Variants in SEC14L5 observed in about 807,000 individuals in gnomAD.
SEC14L5 encodes SEC14-like protein 5.
In SEC14L5, 96 loss-of-function variants were observed where a neutral mutation model predicts 84.6. The observed-to-expected ratio is 1.13, with a 90% CI of 0.96 to 1.34. SEC14L5 has a LOEUF of 1.34. SEC14L5 is among the 40% of genes most tolerant of loss of function. The pLI is 0.00. For synonymous variants in SEC14L5, 546 were observed against 383.4 expected, an observed-to-expected ratio of 1.42 and a Z score of -4.95; for missense variants, 1,224 against 942.5, an observed-to-expected ratio of 1.30 and a Z score of -3.91.
chr16:4,989,936 A>T (rs2142505455), intron 4 of SEC14L5, among the ~76,000 whole-genome samples: 1 of 152,252 alleles, frequency 6.6e-6, no homozygotes, highest in African/African-American at 2.4e-5. Flanking sequence ...ACGTTTGAGG[A>T]GGACTAGGTC....
chr16:4,965,350 C>G (rs927922976), intron 2 of SEC14L5, among the ~76,000 whole-genome samples: 1 of 152,084 alleles, frequency 6.6e-6, no homozygotes. Context: ...TTTGTATGAA[C>G]ATATTCTTTC....
intron 2 of SEC14L5, among the ~76,000 whole-genome samples, chr16:4,982,908 T>A (rs1176849808): frequency 6.6e-6 from 1 of 152,180 alleles, no homozygotes; most frequent in Admixed American, 6.5e-5. Flanking sequence ...GGAAGCACAT[T>A]ACTGAATATT....
chr16:5,010,235 G>A (rs1257886270), intron 14 of SEC14L5, among the ~76,000 whole-genome samples: 1 of 148,814 alleles, frequency 6.7e-6, no homozygotes, highest in Non-Finnish European at 1.5e-5. Flanking sequence ...GTGGTGGCGG[G>A]TGCCTGTAAT....
chr16:5,003,311 C>G, intron 10 of SEC14L5, 91 bp from the exon 11 acceptor site: 2 of 986,812 alleles, frequency 2.0e-6, no homozygotes, highest in African/African-American at 1.6e-5. Context: ...CCCTATCTCT[C>G]GGAGCCTCCC....
Position 5,011,214 on chromosome 16 carries a change from C to T in SEC14L5, c.1920C>T (p.Ser640=), listed in dbSNP as rs760269987. Residue 640 remains serine, a synonymous_variant, in exon 15 of 16, where the codon AGC becomes AGT. Coordinates refer to ENST00000251170, the MANE Select transcript of SEC14L5 (RefSeq NM_014692.2). ...ACGATGTCCTGACGGCTCTGCACAG[C>T]CCCGGGCCCAAGTGCAAACTTCTCT... ...GVDDVLTALH[S]PGPKCKLLYY... The T allele has an allele frequency of 1.2e-6, 2 of 1,613,868 alleles. No homozygotes were observed. Among genetic ancestry groups the T allele is most frequent in the Admixed American group, 1.7e-5 (1 of 60,016 alleles).
At chr16:4,988,398 G>T in intron 4 of SEC14L5, 118 bp downstream of exon 4, 3 of 1,294,004 alleles carry the variant, frequency 2.3e-6, no homozygotes, top group African/African-American at 2.9e-5. Flanking sequence ...CCCTCCTGGG[G>T]CATTGTCAAG....
chr16:4,994,867 T>A lies in SEC14L5; in HGVS notation c.668-1481T>A, dbSNP rs117997276. Among the ~76,000 whole-genome samples the A allele has an allele frequency of 2.6e-3, 394 of 152,180 alleles. 12 individuals are homozygous for A. The East Asian group carries it at 0.065, about 25-fold the overall frequency. On this transcript the variant is annotated intron_variant, in intron 6 of 15. Coordinates refer to ENST00000251170, the MANE Select transcript of SEC14L5 (RefSeq NM_014692.2). ...ACATCCTCATGCCCCTTCTGCCCTC[T>A]CCTGAATCACTGAGTCTTTGTGCTC... is the stretch of plus-strand genomic sequence containing the variant.
Position 5,000,837 on chromosome 16 carries a change from A to T in SEC14L5, c.1060-18A>T. On this transcript the variant is annotated intron_variant, in intron 9 of 15. Transcript: ENST00000251170. ...AGCAGCGAGGCGGACGTTGAGCAGC[A>T]CTGTCTCTCCCTTCCAGGTTCTCTC... 2 of 1,595,876 alleles carry T rather than the reference A, an allele frequency of 1.3e-6. No individual in the cohort carries two copies. Among genetic ancestry groups the T allele is most frequent in the South Asian group, 2.3e-5 (2 of 88,168 alleles).
chr16:5,012,905 G>GC (rs1555443033), intron 15 of SEC14L5, among the ~76,000 whole-genome samples: 1 of 145,828 alleles, frequency 6.9e-6, no homozygotes, highest in Non-Finnish European at 1.5e-5. Context: ...AAAGAAAAAG[G>GC]AAAAAAAAAA....
At chr16:4,992,320 G>A (rs1007548393) in intron 6 of SEC14L5, among the ~76,000 whole-genome samples, 3 of 152,068 alleles carry the variant, frequency 2.0e-5, no homozygotes, top group Non-Finnish European at 2.9e-5. Context: ...GCACGATCTC[G>A]GCTCCCTGCA....
chr16:4,974,937 C>G (rs570368993), intron 2 of SEC14L5, among the ~76,000 whole-genome samples: 2 of 151,954 alleles, frequency 1.3e-5, no homozygotes, highest in Non-Finnish European at 1.5e-5. Flanking sequence ...GCCACCATGC[C>G]TGGCTAATTT....
intron 2 of SEC14L5, among the ~76,000 whole-genome samples, chr16:4,963,694 C>T (rs1955158337): frequency 6.6e-6 from 1 of 151,504 alleles, no homozygotes; most frequent in African/African-American, 2.4e-5. Flanking sequence ...CGCCCTGTTG[C>T]TGAGGTTGGA....
At chr16:4,973,978 C>T (rs890461892) in intron 2 of SEC14L5, among the ~76,000 whole-genome samples, 1 of 151,268 alleles carries the variant, frequency 6.6e-6, no homozygotes, top group African/African-American at 2.4e-5. Flanking sequence ...GCCACCTCAC[C>T]AGGCCTTATA....
chr16:4,960,929 T>C (rs538828259), intron 2 of SEC14L5, among the ~76,000 whole-genome samples: 1 of 152,274 alleles, frequency 6.6e-6, no homozygotes, highest in African/African-American at 2.4e-5. Flanking sequence ...TCAGATGCTT[T>C]AGGGTTCTGC....
intron 2 of SEC14L5, among the ~76,000 whole-genome samples, chr16:4,962,865 A>G (rs1000359251): frequency 1.3e-5 from 2 of 152,178 alleles, no homozygotes; most frequent in African/African-American, 4.8e-5. Flanking sequence ...CTGTTTACAA[A>G]ACATTATTGT....
At chr16:5,005,627 C>T (rs765573929) in intron 11 of SEC14L5, among the ~76,000 whole-genome samples, 15 of 151,756 alleles carry the variant, frequency 9.9e-5, no homozygotes, top group African/African-American at 1.7e-4. Context: ...TTTGGGAGGC[C>T]GAGGCAGGTG....
At chr16:4,969,820 C>CTTTTTTTTT (rs1050575299) in intron 2 of SEC14L5, among the ~76,000 whole-genome samples, 1 of 141,306 alleles carries the variant, frequency 7.1e-6, no homozygotes. Flanking sequence ...TTTTTCTTTC[C>CTTTTTTTTT]TTTTTTTTTT....
rs1286613048 is a variant in SEC14L5 at position 5,004,897 on chromosome 16, C to G, written c.1303-1017C>G. 3.3e-5 allele frequency among the ~76,000 whole-genome samples: 5 copies of G among 152,200 alleles called. No individual in the cohort carries two copies. The South Asian group carries it at 8.3e-4, about 25-fold the overall frequency. On this transcript the variant is annotated intron_variant, in intron 11 of 15. Coordinates refer to ENST00000251170, the MANE Select transcript of SEC14L5 (RefSeq NM_014692.2). ...TCCATCCATGTAATGGAATAGCATT[C>G]GTCCATAAGAAGGAAGGAAGCACTG...
chr16:4,987,497 T>G (rs1449011030), intron 2 of SEC14L5, 60 bp from the exon 3 acceptor site: 8 of 1,142,490 alleles, frequency 7.0e-6, no homozygotes, highest in African/African-American at 3.7e-5. Context: ...GAGGTCGCGC[T>G]GGGGGGGGGG....
Sources: allele counts gnomAD v4.1 joint callset (sites outside exome capture counted in the v4.1 genomes callset), GRCh38; gene constraint gnomAD v4.1.1; transcripts MANE v1.5; gene names NCBI Gene and HGNC (gene_info 2026-07-23, HGNC 2026-07-21).